Variants in DUSP28 observed in about 807,000 individuals in gnomAD.
DUSP28 encodes the protein dual specificity phosphatase 28.
Under a neutral mutation model 8.4 loss-of-function variants are expected in DUSP28, and 11 were observed. That is an observed-to-expected ratio of 1.31 (90% CI 0.83 to 2.17). DUSP28 has a LOEUF of 2.17. DUSP28 is among the 30% of genes most tolerant of loss of function. The probability of loss-of-function intolerance (pLI) is 0.00; values close to 1 mark genes in which losing one functional copy is unlikely to be tolerated. For synonymous variants in DUSP28, 178 were observed against 130.9 expected, an observed-to-expected ratio of 1.36 and a Z score of -2.46; for missense variants, 373 against 270.4, an observed-to-expected ratio of 1.38 and a Z score of -2.66.
chr2:240,561,118 T>C, intron 1 of DUSP28, 41 bp downstream of exon 1: 1 of 1,458,110 alleles, frequency 6.9e-7, no homozygotes, highest in Non-Finnish European at 9.0e-7. Flanking sequence ...GAGAGGGGCG[T>C]GTCTTCCGGG....
chr2:240,563,522 G>A lies in DUSP28; in HGVS notation c.*2055G>A, dbSNP rs374108683. On this transcript the variant is annotated 3_prime_UTR_variant, in exon 2 of 2. Coordinates refer to ENST00000405954, the MANE Select transcript of DUSP28 (RefSeq NM_001370465.2). ...CGGCCAATCCACTGAGCATTTCTAA[G>A]CTGTGTATCTCTTAACAAGACCCAG... The A allele has an allele frequency of 1.3e-5, 2 of 152,588 alleles. No homozygotes were observed. The highest frequency in any genetic ancestry group is 3.8e-4 in the East Asian group (2 of 5,310). 9.5% of individuals were successfully genotyped at this position (152,588 alleles called of 1,614,324 possible).
chr2:240,560,696 A>G lies in DUSP28; in HGVS notation c.12A>G (p.Ala4=). 6.5e-7 allele frequency: 1 copy of G among 1,527,594 alleles called. No individual in the cohort carries two copies. The highest frequency in any genetic ancestry group is 8.7e-7 in the Non-Finnish European group (1 of 1,149,190). 94.6% of individuals were successfully genotyped at this position (1,527,594 alleles called of 1,614,324 possible). The part of the protein sequence containing the change: MGP[A]EAGRRGAASP... ...CTTCGGCGGGCGCCATGGGACCGGC[A>G]GAAGCTGGGCGCCGCGGGGCCGCCT... The change falls in exon 1 of 2, where the codon GCA becomes GCG. Residue 4 remains alanine (A), a synonymous_variant. Transcript: ENST00000405954.
rs2092931659 is a variant in DUSP28, at chr2:240,560,987, C to T, written c.303C>T (p.Val101=). 5 of 1,546,144 alleles carry T rather than the reference C, an allele frequency of 3.2e-6. No individual in the cohort carries two copies. The Admixed American group carries it at 9.8e-5, about 30-fold the overall frequency. ...TGCGCGCCGGCGGCGCCTGCCTAGT[C>T]TACTGCAAGAACGGCCGCAGCCGCT... The part of the protein sequence containing the change: ...AAVRAGGACL[V]YCKNGRSRSA... The change falls in exon 1 of 2, where the codon GTC becomes GTT. Residue 101 remains valine (V), a synonymous_variant. Coordinates refer to ENST00000405954, the MANE Select transcript of DUSP28 (RefSeq NM_001370465.2).
chr2:240,562,864 C>G lies in DUSP28; in HGVS notation c.*1397C>G, dbSNP rs914832445. On this transcript the variant is annotated 3_prime_UTR_variant, in exon 2 of 2. Transcript: ENST00000405954. ...TTTACTTTATAATGCACATCTTGAT[C>G]CCAGTTTATAAACTGGGCCTGAATA... 6.5e-6 allele frequency: 1 copy of G among 153,894 alleles called. No homozygotes were observed. The highest frequency in any genetic ancestry group is 1.5e-5 in the Non-Finnish European group (1 of 68,048). 9.5% of individuals were successfully genotyped at this position (153,894 alleles called of 1,614,324 possible). A position where few individuals can be genotyped will look rare whatever the true frequency, so the allele number is the denominator to read the frequency against.
At chr2:240,560,281 G>A (rs2092837084), upstream of DUSP28, 2 of 164,612 alleles carry the variant, frequency 1.2e-5, no homozygotes, top group Non-Finnish European at 1.3e-5. Flanking sequence ...CGGACGCGAA[G>A]TGGGCGGGCC....
Position 240,560,514 on chromosome 2 carries a change from C to T in DUSP28, c.-171C>T. On this transcript the variant is annotated 5_prime_UTR_variant, in exon 1 of 2. Transcript: ENST00000405954. ...CCAACGAGACCCAAGCCCCCTGTCC[C>T]GGCCCAGCGCCCGCGGGGGACCCAA... 2 of 1,058,564 alleles carry T rather than the reference C, an allele frequency of 1.9e-6. No homozygotes were observed. The highest frequency in any genetic ancestry group is 2.5e-6 in the Non-Finnish European group (2 of 811,822). The allele number at this position is 1,058,564 out of a possible 1,614,324, so 65.6% of individuals were successfully genotyped here. A position where few individuals can be genotyped will look rare whatever the true frequency, so the allele number is the denominator to read the frequency against.
rs377057809 is a variant in DUSP28, at chr2:240,564,168, A to C, written c.*2701A>C. ...TCAGTTATCAGTAGTAATAACAGCA[A>C]TCAAAACTGAAACTGCTCCAGATGC... On this transcript the variant is annotated 3_prime_UTR_variant, in exon 2 of 2. Transcript: ENST00000405954. 1.3e-5 allele frequency among the ~76,000 whole-genome samples: 2 copies of C among 152,338 alleles called. No homozygotes were observed. Among genetic ancestry groups the C allele is most frequent in the African/African-American group, 2.4e-5 (1 of 41,578 alleles).
rs939087168 is a variant in DUSP28 at position 240,561,649 on chromosome 2, G to A, written c.*182G>A. Reference sequence around the variant, plus strand: ...ACAAATTATCTTACAGACACAAAAAGAAATACATTTGGTAAAACATCGAAG... The same window carrying A: ...ACAAATTATCTTACAGACACAAAAAAAAATACATTTGGTAAAACATCGAAG... On this transcript the variant is annotated 3_prime_UTR_variant, in exon 2 of 2. Coordinates refer to ENST00000405954, the MANE Select transcript of DUSP28 (RefSeq NM_001370465.2). 1 of 852,480 alleles carries A rather than the reference G, an allele frequency of 1.2e-6. No individual in the cohort carries two copies. The highest frequency in any genetic ancestry group is 1.7e-6 in the Non-Finnish European group (1 of 588,096). 52.8% of individuals were successfully genotyped at this position (852,480 alleles called of 1,614,324 possible). A position where few individuals can be genotyped will look rare whatever the true frequency, so the allele number is the denominator to read the frequency against.
In DUSP28 at chr2:240,565,228, A is replaced by G. The variant is rs955609710; in HGVS notation, c.*3761A>G. 5.9e-5 allele frequency among the ~76,000 whole-genome samples: 9 copies of G among 151,698 alleles called. No homozygotes were observed. The highest frequency in any genetic ancestry group is 1.0e-4 in the Non-Finnish European group (7 of 68,050). On this transcript the variant is annotated 3_prime_UTR_variant, in exon 2 of 2. Coordinates refer to ENST00000405954, the MANE Select transcript of DUSP28 (RefSeq NM_001370465.2). ...CGCGTATTTACATTCTGTATGCGTC[A>G]ATGAGTAAAATACTGTGGTTGGTGC...
rs762136480 is a variant in DUSP28 at position 240,561,350 on chromosome 2, G to C, written c.414G>C (p.Pro138=). 1 of 1,613,866 alleles carries C rather than the reference G, an allele frequency of 6.2e-7. No individual in the cohort carries two copies. Among genetic ancestry groups the C allele is most frequent in the South Asian group, 1.1e-5 (1 of 91,078 alleles). Residue 138 remains proline, a synonymous_variant, in exon 2 of 2, where the codon CCG becomes CCC. Coordinates refer to ENST00000405954, the MANE Select transcript of DUSP28 (RefSeq NM_001370465.2). ...KAFQMVKSAR[P]VAEPNPGFWS... ...TGCAGATGGTGAAGAGCGCTCGCCC[G>C]GTAGCAGAACCGAACCCGGGCTTCT...
chr2:240,561,189 GTC>G (rs767086994), intron 1 of DUSP28, 112 bp downstream of exon 1: 7 of 1,501,944 alleles, frequency 4.7e-6, no homozygotes, highest in African/African-American at 4.2e-5. Flanking sequence ...GGAGGGGCGG[GTC>G]TCTCTCGTGA....
At position 240,562,436 on chromosome 2, in the gene DUSP28, A is replaced by T. The variant is rs986424201; in HGVS notation, c.*969A>T. 1 of 152,086 alleles carries T rather than the reference A, an allele frequency of 6.6e-6. No homozygotes were observed. Among genetic ancestry groups the T allele is most frequent in the Non-Finnish European group, 1.5e-5 (1 of 68,024 alleles). The allele number at this position is 152,086 out of a possible 1,614,324, so 9.4% of individuals were successfully genotyped here. ...CAGGACATTAAGAATTTCAAAAGTG[A>T]TTTTTTCACCCATGGCTTCTACGGT... On this transcript the variant is annotated 3_prime_UTR_variant, in exon 2 of 2. Coordinates refer to ENST00000405954, the MANE Select transcript of DUSP28 (RefSeq NM_001370465.2).
rs2092880816 is a variant in DUSP28 at position 240,560,526 on chromosome 2, C to T, written c.-159C>T. The T allele has an allele frequency of 1.8e-6, 2 of 1,134,808 alleles. No homozygotes were observed. The highest frequency in any genetic ancestry group is 1.1e-6 in the Non-Finnish European group (1 of 881,794). 70.3% of individuals were successfully genotyped at this position (1,134,808 alleles called of 1,614,324 possible). A position where few individuals can be genotyped will look rare whatever the true frequency, so the allele number is the denominator to read the frequency against. ...AAGCCCCCTGTCCCGGCCCAGCGCC[C>T]GCGGGGGACCCAAGCCCCAGCCTGG... On this transcript the variant is annotated 5_prime_UTR_variant, in exon 1 of 2. Transcript: ENST00000405954.
At chr2:240,560,193 G>A (rs908265761), upstream of DUSP28, 1 of 154,168 alleles carries the variant, frequency 6.5e-6, no homozygotes, top group Non-Finnish European at 1.4e-5. Flanking sequence ...AGTCACTAGG[G>A]AAAGGGTGAA....
rs753674503 is a variant in DUSP28, at chr2:240,561,371, C to T, written c.435C>T (p.Gly145=). 1.2e-6 allele frequency: 2 copies of T among 1,613,866 alleles called. No homozygotes were observed. Among genetic ancestry groups the T allele is most frequent in the African/African-American group, 1.3e-5 (1 of 75,066 alleles). ...SARPVAEPNP[G]FWSQLQKYEE... ...GCCCGGTAGCAGAACCGAACCCGGG[C>T]TTCTGGTCTCAGCTCCAGAAGTATG... Residue 145 remains glycine, a synonymous_variant, in exon 2 of 2, where the codon GGC becomes GGT. Coordinates refer to ENST00000405954, the MANE Select transcript of DUSP28 (RefSeq NM_001370465.2).
chr2:240,561,595 T>A lies in DUSP28; in HGVS notation c.*128T>A. On this transcript the variant is annotated 3_prime_UTR_variant, in exon 2 of 2. Transcript: ENST00000405954. ...GTGTGTGTGTGAAACATAGTGCTTT[T>A]AATTTTATATTTCCGGCTGAGGTGA... 9.0e-6 allele frequency: 11 copies of A among 1,222,520 alleles called. No individual in the cohort carries two copies. Among genetic ancestry groups the A allele is most frequent in the Non-Finnish European group, 1.2e-5 (11 of 926,800 alleles). 75.7% of individuals were successfully genotyped at this position (1,222,520 alleles called of 1,614,324 possible).
rs918030462 is a variant in DUSP28, at chr2:240,563,347, G to C, written c.*1880G>C. On this transcript the variant is annotated 3_prime_UTR_variant, in exon 2 of 2. Transcript: ENST00000405954. ...CTCCTGAGTGGCTGGGATTACAGGC[G>C]CCCGCCACCACGCCTAGCTAATTTC... 2.0e-5 allele frequency: 3 copies of C among 152,268 alleles called. No homozygotes were observed. Among genetic ancestry groups the C allele is most frequent in the African/African-American group, 7.2e-5 (3 of 41,428 alleles). 9.4% of individuals were successfully genotyped at this position (152,268 alleles called of 1,614,324 possible). A position where few individuals can be genotyped will look rare whatever the true frequency, so the allele number is the denominator to read the frequency against.
Position 240,560,855 on chromosome 2 carries a change from C to A in DUSP28, c.171C>A (p.Gly57=). 3 of 1,392,324 alleles carry A rather than the reference C, an allele frequency of 2.2e-6. No homozygotes were observed. Among genetic ancestry groups the A allele is most frequent in the Non-Finnish European group, 9.2e-7 (1 of 1,083,568 alleles). The allele number at this position is 1,392,324 out of a possible 1,614,324, so 86.2% of individuals were successfully genotyped here. Residue 57 remains glycine (G), a synonymous_variant, in exon 1 of 2, where the codon GGC becomes GGA. Coordinates refer to ENST00000405954, the MANE Select transcript of DUSP28 (RefSeq NM_001370465.2). Reference sequence around the variant, plus strand: ...TCAACGTCTCCCGCCAGCAGCCCGGCCCGCGCGCGCCCGGCGTGGCAGAGC... The same window carrying A: ...TCAACGTCTCCCGCCAGCAGCCCGGACCGCGCGCGCCCGGCGTGGCAGAGC... ...LCVNVSRQQP[G]PRAPGVAELR...
Position 240,560,513 on chromosome 2 carries a change from C to T in DUSP28, c.-172C>T, listed in dbSNP as rs1575424312. The T allele has an allele frequency of 4.7e-6, 5 of 1,056,198 alleles. No individual in the cohort carries two copies. The East Asian group carries it at 1.3e-4, about 28-fold the overall frequency. The allele number at this position is 1,056,198 out of a possible 1,614,324, so 65.4% of individuals were successfully genotyped here. ...CCCAACGAGACCCAAGCCCCCTGTC[C>T]CGGCCCAGCGCCCGCGGGGGACCCA... On this transcript the variant is annotated 5_prime_UTR_variant, in exon 1 of 2. Coordinates refer to ENST00000405954, the MANE Select transcript of DUSP28 (RefSeq NM_001370465.2).
Sources: allele counts gnomAD v4.1 joint callset (sites outside exome capture counted in the v4.1 genomes callset), GRCh38; gene constraint gnomAD v4.1.1; transcripts MANE v1.5; gene names NCBI Gene and HGNC (gene_info 2026-07-23, HGNC 2026-07-21).